Variants in IGF1 observed in about 807,000 individuals in gnomAD.
The protein encoded by IGF1 is insulin-like growth factor 1.
IGF1 carries 4 observed loss-of-function variants against 13.8 expected under a neutral mutation model. The ratio of observed to expected loss-of-function variants is 0.29; its 90% CI spans 0.14 to 0.66. The LOEUF is 0.66. Ranked by LOEUF, IGF1 falls within the 30% of genes least tolerant of loss-of-function variation. The pLI is 0.78. For synonymous variants in IGF1, 76 were observed against 72.6 expected (o/e 1.05, Z -0.23); for missense variants, 124 against 188.5 (o/e 0.66, Z 2.00).
intron 2 of IGF1, among the ~76,000 whole-genome samples, chr12:102,421,926 AT>A (rs1875757443): frequency 6.6e-6 from 1 of 152,218 alleles, no homozygotes; most frequent in Non-Finnish European, 1.5e-5. Context: ...GAGAGTTTCT[AT>A]GATTGTATAT....
At chr12:102,446,433 C>A (rs1447876574) in intron 2 of IGF1, among the ~76,000 whole-genome samples, 1 of 152,150 alleles carries the variant, frequency 6.6e-6, no homozygotes, top group Non-Finnish European at 1.5e-5. Context: ...GATTCAACTT[C>A]TTCCTGGTTT....
At chr12:102,442,987 G>T (rs1453137141) in intron 2 of IGF1, among the ~76,000 whole-genome samples, 2 of 151,998 alleles carry the variant, frequency 1.3e-5, no homozygotes. Context: ...ATGGCTCAGA[G>T]ATCACAAAGC....
intron 3 of IGF1, among the ~76,000 whole-genome samples, chr12:102,408,516 A>C (rs748905885): frequency 1.3e-5 from 2 of 152,132 alleles, no homozygotes; most frequent in Non-Finnish European, 2.9e-5. Context: ...AGAGTGAGGG[A>C]TATGTACTTA....
chr12:102,433,137 A>T (rs565894179), intron 2 of IGF1, among the ~76,000 whole-genome samples: 18 of 152,252 alleles, frequency 1.2e-4, no homozygotes, highest in Admixed American at 3.9e-4. Context: ...TTGGGTCATG[A>T]TATCCCTGAC....
intron 2 of IGF1, among the ~76,000 whole-genome samples, chr12:102,456,140 A>G (rs537296489): frequency 3.3e-5 from 5 of 152,090 alleles, no homozygotes; most frequent in African/African-American, 1.2e-4. Flanking sequence ...CCATCTTAGG[A>G]GCATCTGAGG....
intron 1 of IGF1, among the ~76,000 whole-genome samples, chr12:102,476,457 C>G (rs1011547649): frequency 7.5e-6 from 1 of 132,572 alleles, no homozygotes. Context: ...GATTCCTTAC[C>G]TGGGGCATAT....
At chr12:102,432,574 A>AC (rs1362105585) in intron 2 of IGF1, among the ~76,000 whole-genome samples, 4 of 152,244 alleles carry the variant, frequency 2.6e-5, no homozygotes, top group African/African-American at 9.6e-5. Flanking sequence ...TGGAGCACAG[A>AC]CAGGGATCTT....
intron 3 of IGF1, chr12:102,418,016 C>T: frequency 6.2e-7 from 1 of 1,602,260 alleles, no homozygotes; most frequent in Non-Finnish European, 8.5e-7. Context: ...GTAAACATCA[C>T]AAAAATAATT....
intron 2 of IGF1, among the ~76,000 whole-genome samples, chr12:102,449,219 T>C (rs1397247167): frequency 6.6e-6 from 1 of 152,134 alleles, no homozygotes; most frequent in Non-Finnish European, 1.5e-5. Flanking sequence ...TATGCAGCCA[T>C]GAAAAGGGAT....
intron 2 of IGF1, among the ~76,000 whole-genome samples, chr12:102,443,128 A>G (rs1258625899): frequency 6.6e-6 from 1 of 152,056 alleles, no homozygotes; most frequent in East Asian, 1.9e-4. Flanking sequence ...CGTCTTTGGC[A>G]GAGATTCCTA....
chr12:102,455,750 G>A (rs1031132250), intron 2 of IGF1, among the ~76,000 whole-genome samples: 19 of 152,218 alleles, frequency 1.2e-4, no homozygotes, highest in African/African-American at 4.3e-4. Flanking sequence ...AGTATGTCCA[G>A]TAGAGGACTG....
chr12:102,464,322 A>G (rs991954762), intron 2 of IGF1, among the ~76,000 whole-genome samples: 13 of 151,588 alleles, frequency 8.6e-5, no homozygotes, highest in African/African-American at 3.2e-4. Flanking sequence ...TTTTTCTCCT[A>G]TATCTTCAAT....
chr12:102,435,933 C>A (rs2137069012), intron 2 of IGF1, among the ~76,000 whole-genome samples: 1 of 152,324 alleles, frequency 6.6e-6, no homozygotes, highest in African/African-American at 2.4e-5. Flanking sequence ...GCAATATCAA[C>A]TCCTAATATG....
chr12:102,459,368 C>T (rs886314805), intron 2 of IGF1, among the ~76,000 whole-genome samples: 15 of 152,072 alleles, frequency 9.9e-5, no homozygotes, highest in East Asian at 1.9e-4. Flanking sequence ...ATGGGTGGGA[C>T]GGCTGGCCTC....
chr12:102,441,255 T>C (rs1441198854), intron 2 of IGF1, among the ~76,000 whole-genome samples: 1 of 152,242 alleles, frequency 6.6e-6, no homozygotes, highest in Non-Finnish European at 1.5e-5. Flanking sequence ...CTTGCTGGTA[T>C]CTGCACCATT....
intron 2 of IGF1, among the ~76,000 whole-genome samples, chr12:102,443,299 C>T (rs1179528486): frequency 6.6e-6 from 1 of 152,120 alleles, no homozygotes; most frequent in Non-Finnish European, 1.5e-5. Context: ...CTTCTGGGAT[C>T]CTTCATTAAA....
At chr12:102,467,654 C>G (rs923999942) in intron 2 of IGF1, among the ~76,000 whole-genome samples, 8 of 152,166 alleles carry the variant, frequency 5.3e-5, no homozygotes, top group Admixed American at 6.5e-5. Context: ...AAAGTGTTAA[C>G]CTAAGTCTCA....
intron 3 of IGF1, among the ~76,000 whole-genome samples, chr12:102,408,209 C>T (rs972893253): frequency 6.6e-6 from 1 of 152,230 alleles, no homozygotes; most frequent in African/African-American, 2.4e-5. Flanking sequence ...GCTCAGATAT[C>T]AGCCCTTTAC....
chr12:102,470,630 A>T (rs1328124730), intron 2 of IGF1, among the ~76,000 whole-genome samples: 1 of 152,208 alleles, frequency 6.6e-6, no homozygotes, highest in East Asian at 1.9e-4. Context: ...TCCCACAGCT[A>T]GTGACTGTAC....
Sources: allele counts gnomAD v4.1 joint callset (sites outside exome capture counted in the v4.1 genomes callset), GRCh38; gene constraint gnomAD v4.1.1; transcripts MANE v1.5; gene names NCBI Gene and HGNC (gene_info 2026-07-23, HGNC 2026-07-21).